The following SHC4 variants were observed in gnomAD, a reference collection of about 807,000 sequenced individuals.
SHC4 encodes the protein SHC adaptor protein 4.
A neutral mutation model predicts 69.4 loss-of-function variants in SHC4; 41 were observed. The ratio of observed to expected loss-of-function variants is 0.59; its 90% CI spans 0.46 to 0.77. The LOEUF is 0.77. Ranked by LOEUF, SHC4 falls within the 30% of genes least tolerant of loss-of-function variation. SHC4 has a pLI of 0.00. For synonymous variants in SHC4, 318 were observed against 299.3 expected, an observed-to-expected ratio of 1.06 and a Z score of -0.64; for missense variants, 777 against 783.8, an observed-to-expected ratio of 0.99 and a Z score of 0.10.
chr15:48,878,365 C>T lies in SHC4; in HGVS notation c.840+5883G>A, dbSNP rs756155052. The T allele has an allele frequency of 4.3e-6, 7 of 1,613,142 alleles. No individual in the cohort carries two copies. The South Asian group carries it at 7.7e-5, about 18-fold the overall frequency. ...AAGGCCCAATGGAGGAGGAGGAGGC[C>T]CAGCCAATGGCGGCGCCAGAGGGGA... On this transcript the variant is annotated intron_variant, in intron 4 of 11. Coordinates refer to ENST00000332408, the MANE Select transcript of SHC4 (RefSeq NM_203349.4).
intron 11 of SHC4, among the ~76,000 whole-genome samples, chr15:48,829,326 G>T (rs1015731063): frequency 2.6e-5 from 4 of 152,042 alleles, no homozygotes; most frequent in African/African-American, 4.8e-5. Context: ...ATTGAAAGTG[G>T]AGCATTAAAA....
intron 5 of SHC4, among the ~76,000 whole-genome samples, chr15:48,870,323 G>A (rs1335140122): frequency 6.6e-6 from 1 of 152,114 alleles, no homozygotes; most frequent in Non-Finnish European, 1.5e-5. Flanking sequence ...ATAGGCTCTT[G>A]GGCTCAAATA....
chr15:48,866,572 C>G (rs1439027701), intron 6 of SHC4, among the ~76,000 whole-genome samples: 1 of 152,184 alleles, frequency 6.6e-6, no homozygotes, highest in Admixed American at 6.5e-5. Flanking sequence ...TGTCTAAACT[C>G]TACTTTGTAA....
chr15:48,938,650 T>A (rs555203207), intron 1 of SHC4, among the ~76,000 whole-genome samples: 5 of 152,292 alleles, frequency 3.3e-5, no homozygotes, highest in African/African-American at 1.2e-4. Flanking sequence ...GAGGCACAGA[T>A]AGAAAGCCAC....
intron 4 of SHC4, among the ~76,000 whole-genome samples, chr15:48,873,906 AC>A (rs1455712505): frequency 1.3e-5 from 2 of 152,156 alleles, no homozygotes; most frequent in African/African-American, 2.4e-5. Flanking sequence ...GATATATATC[AC>A]TCTCATGGAT....
intron 1 of SHC4, among the ~76,000 whole-genome samples, chr15:48,952,499 C>A (rs1345873595): frequency 6.6e-6 from 1 of 152,072 alleles, no homozygotes; most frequent in Non-Finnish European, 1.5e-5. Context: ...AACAGACAAC[C>A]TACAGAATGG....
chr15:48,935,047 A>G (rs1220451990), intron 1 of SHC4, among the ~76,000 whole-genome samples: 1 of 152,206 alleles, frequency 6.6e-6, no homozygotes, highest in Non-Finnish European at 1.5e-5. Context: ...ATTGAATTGT[A>G]TACTTTAAAT....
In SHC4 at chr15:48,939,613, C is replaced by T. The variant is rs1346583714; in HGVS notation, c.586-14664G>A. Among the ~76,000 whole-genome samples, 8 of 152,308 alleles carry T rather than the reference C, an allele frequency of 5.3e-5. No individual in the cohort carries two copies. In the East Asian group the frequency reaches 1.5e-3, roughly 29 times the overall value. Reference sequence around the variant, plus strand: ...AGCACAATATGTGACACACAGTAGGCTCTCAATACACTATGCTGAATGTCT... The same window carrying T: ...AGCACAATATGTGACACACAGTAGGTTCTCAATACACTATGCTGAATGTCT... On this transcript the variant is annotated intron_variant, in intron 1 of 11. Transcript: ENST00000332408.
At chr15:48,857,280 T>C (rs1899338579) in intron 7 of SHC4, among the ~76,000 whole-genome samples, 1 of 152,082 alleles carries the variant, frequency 6.6e-6, no homozygotes, top group South Asian at 2.1e-4. Context: ...CATTTGATTC[T>C]TATTTTGCTC....
At chr15:48,934,454 GT>G (rs1485284172) in intron 1 of SHC4, among the ~76,000 whole-genome samples, 1 of 152,144 alleles carries the variant, frequency 6.6e-6, no homozygotes, top group African/African-American at 2.4e-5. Context: ...ATAAATGTTG[GT>G]GAAGATGTGG....
chr15:48,876,452 T>C lies in SHC4; in HGVS notation c.841-4310A>G, dbSNP rs546418327. 2.0e-3 allele frequency: 700 copies of C among 356,492 alleles called. 2 individuals are homozygous for C. Among genetic ancestry groups the C allele is most frequent in the African/African-American group, 9.1e-3 (426 of 46,558 alleles). 22.1% of individuals were successfully genotyped at this position (356,492 alleles called of 1,614,324 possible). A position where few individuals can be genotyped will look rare whatever the true frequency, so the allele number is the denominator to read the frequency against. On this transcript the variant is annotated intron_variant, in intron 4 of 11. Transcript: ENST00000332408. ...CTAATGGAATATATACATATATATA[T>C]ACACACACACACACACGTATATACA... is the stretch of plus-strand genomic sequence containing the variant.
intron 1 of SHC4, among the ~76,000 whole-genome samples, chr15:48,929,820 T>A (rs1375845504): frequency 6.6e-6 from 1 of 152,232 alleles, no homozygotes; most frequent in Non-Finnish European, 1.5e-5. Flanking sequence ...GAGCTCAGCG[T>A]TGCTCAGACA....
chr15:48,903,277 C>T (rs1466662236), intron 2 of SHC4, among the ~76,000 whole-genome samples: 2 of 152,200 alleles, frequency 1.3e-5, no homozygotes, highest in South Asian at 4.1e-4. Context: ...CACCAACTGT[C>T]CTGCATTTAC....
At chr15:48,900,200 C>T (rs772632564) in intron 2 of SHC4, among the ~76,000 whole-genome samples, 16 of 152,110 alleles carry the variant, frequency 1.1e-4, no homozygotes, top group Non-Finnish European at 2.2e-4. Context: ...CCCCCATTCT[C>T]ATCTCCTAAA....
chr15:48,904,660 T>C (rs937882737), intron 2 of SHC4, among the ~76,000 whole-genome samples: 1 of 152,146 alleles, frequency 6.6e-6, no homozygotes, highest in Non-Finnish European at 1.5e-5. Flanking sequence ...GGAGGACTGC[T>C]TGAGGCCTAG....
At chr15:48,959,817 A>C (rs1901511832) in intron 1 of SHC4, among the ~76,000 whole-genome samples, 1 of 152,242 alleles carries the variant, frequency 6.6e-6, no homozygotes, top group Admixed American at 6.5e-5. Context: ...TCTGAGGAAC[A>C]GAACAACAAC....
intron 6 of SHC4, among the ~76,000 whole-genome samples, chr15:48,865,509 T>C (rs1462830539): frequency 1.3e-5 from 2 of 152,342 alleles, no homozygotes; most frequent in South Asian, 2.1e-4. Flanking sequence ...AAGAAAACTA[T>C]GCTTTCCATG....
At chr15:48,942,279 T>C (rs1257584861) in intron 1 of SHC4, among the ~76,000 whole-genome samples, 3 of 152,160 alleles carry the variant, frequency 2.0e-5, no homozygotes, top group Non-Finnish European at 4.4e-5. Context: ...TTGAACAAGA[T>C]CACCCCGCAG....
chr15:48,826,353 G>A (rs901964106), intron 11 of SHC4, among the ~76,000 whole-genome samples: 1 of 151,122 alleles, frequency 6.6e-6, no homozygotes, highest in Non-Finnish European at 1.5e-5. Flanking sequence ...CTGGGTTCAC[G>A]CAATTCTAGT....
Sources: allele counts gnomAD v4.1 joint callset (sites outside exome capture counted in the v4.1 genomes callset), GRCh38; gene constraint gnomAD v4.1.1; transcripts MANE v1.5; gene names NCBI Gene and HGNC (gene_info 2026-07-23, HGNC 2026-07-21).